The following BNC2 variants were observed in gnomAD, a reference collection of about 807,000 sequenced individuals.
BNC2 encodes zinc finger protein basonuclin-2.
BNC2 carries 20 observed loss-of-function variants against 76.3 expected under a neutral mutation model. The ratio of observed to expected loss-of-function variants is 0.26; its 90% CI spans 0.18 to 0.38. BNC2 has a LOEUF of 0.38. Among genes scored for constraint, BNC2 ranks in the 10% least tolerant of loss-of-function variants. The pLI, the probability that BNC2 is intolerant of heterozygous loss-of-function variation, is 1.00. For synonymous variants in BNC2, 582 were observed against 514.8 expected (o/e 1.13, Z -1.77); for missense variants, 1,382 against 1,399.8 (o/e 0.99, Z 0.20).
chr9:16,485,425 T>A lies in BNC2; in HGVS notation c.670-47901A>T, dbSNP rs1280164444. 1.3e-5 allele frequency among the ~76,000 whole-genome samples: 2 copies of A among 152,126 alleles called. 1 individual carries two copies. The highest frequency in any genetic ancestry group is 4.1e-4 in the South Asian group (2 of 4,820). On this transcript the variant is annotated intron_variant, in intron 5 of 6. Transcript: ENST00000380672. ...GTTACTCAAAAACCTGTTTTGTGGG[T>A]CATTCTGGTTTTAGAGGCCAAATCC...
chr9:16,553,186 G>C (rs1818717776), intron 4 of BNC2, among the ~76,000 whole-genome samples: 1 of 152,084 alleles, frequency 6.6e-6, no homozygotes, highest in Non-Finnish European at 1.5e-5. Flanking sequence ...ATGCCATATG[G>C]GCAGGCTCAG....
At chr9:16,540,156 A>ATTTTTTTTT (rs36075261) in intron 5 of BNC2, among the ~76,000 whole-genome samples, 1 of 118,474 alleles carries the variant, frequency 8.4e-6, no homozygotes, top group Admixed American at 8.7e-5. Context: ...ATTTAACGTG[A>ATTTTTTTTT]TTTTTTTTTT....
At chr9:16,659,063 T>G (rs1261952525) in intron 3 of BNC2, among the ~76,000 whole-genome samples, 1 of 152,096 alleles carries the variant, frequency 6.6e-6, no homozygotes, top group African/African-American at 2.4e-5. Context: ...AGTGGCTAAC[T>G]TAAGAGAGGT....
chr9:16,481,802 G>C (rs1822063502), intron 5 of BNC2, among the ~76,000 whole-genome samples: 1 of 152,188 alleles, frequency 6.6e-6, no homozygotes, highest in Non-Finnish European at 1.5e-5. Flanking sequence ...TCTACACTGA[G>C]AATGAAATTA....
intron 1 of BNC2, among the ~76,000 whole-genome samples, chr9:16,845,461 C>T (rs1330341028): frequency 1.3e-5 from 2 of 152,178 alleles, no homozygotes; most frequent in East Asian, 1.9e-4. Context: ...GTGGCTCACA[C>T]CTGTAATCCC....
At chr9:16,780,349 A>C (rs920731932) in intron 1 of BNC2, among the ~76,000 whole-genome samples, 81 of 151,520 alleles carry the variant, frequency 5.3e-4, no homozygotes, top group African/African-American at 1.9e-3. Flanking sequence ...CGAGGCTGGC[A>C]GATCATGAGG....
intron 1 of BNC2, among the ~76,000 whole-genome samples, chr9:16,818,637 A>G (rs1818241618): frequency 1.3e-5 from 2 of 152,158 alleles, no homozygotes; most frequent in Admixed American, 6.5e-5. Flanking sequence ...TTTCTCAAGC[A>G]TCAAAAAAGT....
Position 16,410,598 on chromosome 9 carries a change from T to G in BNC2, c.*8391A>C, listed in dbSNP as rs1205968614. The stretch of plus-strand genomic sequence containing the variant: ...GGTTAAGATATAATACTAGAACATC[T>G]CATTCACTTAATTCACGTTATGCAA... On this transcript the variant is annotated 3_prime_UTR_variant, in exon 7 of 7. Coordinates refer to ENST00000380672, the MANE Select transcript of BNC2 (RefSeq NM_017637.6). 2 of 152,576 alleles carry G rather than the reference T, an allele frequency of 1.3e-5. No homozygotes were observed. The highest frequency in any genetic ancestry group is 2.4e-5 in the African/African-American group (1 of 41,426). 9.5% of individuals were successfully genotyped at this position (152,576 alleles called of 1,614,324 possible).
chr9:16,788,477 C>T (rs957203455), intron 1 of BNC2, among the ~76,000 whole-genome samples: 1 of 149,828 alleles, frequency 6.7e-6, no homozygotes, highest in Non-Finnish European at 1.5e-5. Flanking sequence ...GGCGTGAACC[C>T]AGGAGGCGGA....
chr9:16,812,003 C>T (rs1818067235), intron 1 of BNC2, among the ~76,000 whole-genome samples: 1 of 152,226 alleles, frequency 6.6e-6, no homozygotes, highest in Non-Finnish European at 1.5e-5. Context: ...GCAGAAAGAG[C>T]TCTGCCTGCC....
chr9:16,815,496 G>A (rs1818160982), intron 1 of BNC2, among the ~76,000 whole-genome samples: 1 of 152,216 alleles, frequency 6.6e-6, no homozygotes, highest in South Asian at 2.1e-4. Flanking sequence ...TAGCAGGTAA[G>A]AATGAGGGTA....
At chr9:16,681,581 C>T (rs1265734603) in intron 3 of BNC2, among the ~76,000 whole-genome samples, 1 of 152,146 alleles carries the variant, frequency 6.6e-6, no homozygotes, top group African/African-American at 2.4e-5. Context: ...ATGTGTCACA[C>T]ACACAAACTC....
At chr9:16,575,283 A>C (rs559834933) in intron 4 of BNC2, 1 of 985,290 alleles carries the variant, frequency 1.0e-6, no homozygotes, top group South Asian at 4.7e-5. Context: ...CCGAAGCGGG[A>C]TACAGCTCTG....
intron 5 of BNC2, among the ~76,000 whole-genome samples, chr9:16,477,672 T>C (rs1450328999): frequency 1.3e-5 from 2 of 152,188 alleles, no homozygotes; most frequent in Admixed American, 1.3e-4. Context: ...GGGAAACATA[T>C]ATAATTATAT....
At chr9:16,766,460 C>T (rs191296040) in intron 1 of BNC2, among the ~76,000 whole-genome samples, 1 of 152,156 alleles carries the variant, frequency 6.6e-6, no homozygotes, top group Non-Finnish European at 1.5e-5. Flanking sequence ...CCTAAATCAA[C>T]AATCTACTGG....
At chr9:16,463,917 G>C (rs10962427) in intron 5 of BNC2, among the ~76,000 whole-genome samples, 66,442 of 151,306 alleles carry the variant, frequency 0.44, 14,984 homozygotes, top group East Asian at 0.6. Context: ...CCAACATGGC[G>C]AAACCTTGTC....
chr9:16,861,920 T>G (rs142286527), intron 1 of BNC2, among the ~76,000 whole-genome samples: 1 of 149,800 alleles, frequency 6.7e-6, no homozygotes, highest in African/African-American at 2.5e-5. Context: ...ACCTGGGAGG[T>G]GGAGCTTGCA....
intron 3 of BNC2, among the ~76,000 whole-genome samples, chr9:16,618,214 C>G (rs985739938): frequency 3.9e-5 from 6 of 152,192 alleles, no homozygotes; most frequent in African/African-American, 1.4e-4. Context: ...ACCAGATCAT[C>G]TGGACACCTT....
chr9:16,425,235 G>T (rs1014419394), intron 6 of BNC2, among the ~76,000 whole-genome samples: 1 of 152,164 alleles, frequency 6.6e-6, no homozygotes, highest in South Asian at 2.1e-4. Flanking sequence ...TTCACTTGAA[G>T]ATAAGCTCCT....
Sources: allele counts gnomAD v4.1 joint callset (sites outside exome capture counted in the v4.1 genomes callset), GRCh38; gene constraint gnomAD v4.1.1; transcripts MANE v1.5; gene names NCBI Gene and HGNC (gene_info 2026-07-23, HGNC 2026-07-21).